Variants in KCNQ2 observed in about 807,000 individuals in gnomAD.
KCNQ2 encodes the protein potassium voltage-gated channel subfamily KQT member 2.
Under a neutral mutation model 84.8 loss-of-function variants are expected in KCNQ2, and 14 were observed. That is an observed-to-expected ratio of 0.17 (90% CI 0.11 to 0.26). The LOEUF is 0.26. KCNQ2 is among the 10% of genes least tolerant of loss of function. The probability of loss-of-function intolerance (pLI) is 1.00; values close to 1 mark genes in which losing one functional copy is unlikely to be tolerated. For missense variants in KCNQ2, 788 were observed against 1,254.0 expected, an observed-to-expected ratio of 0.63 and a Z score of 5.61; for synonymous variants, 599 against 554.1, an observed-to-expected ratio of 1.08 and a Z score of -1.14.
At chr20:63,445,004 C>A (rs1032057018) in intron 3 of KCNQ2, among the ~76,000 whole-genome samples, 170 bp from the exon 4 acceptor site, 1 of 152,226 alleles carries the variant, frequency 6.6e-6, no homozygotes, top group South Asian at 2.1e-4. Flanking sequence ...TATCGTCCAC[C>A]CTGCCTGTGG....
At chr20:63,461,373 T>C (rs900352120) in intron 1 of KCNQ2, among the ~76,000 whole-genome samples, 4 of 152,164 alleles carry the variant, frequency 2.6e-5, no homozygotes, top group African/African-American at 9.7e-5. Context: ...GTCGTGTACC[T>C]TGCCCCAGCA....
chr20:63,419,697 G>T (rs761182828), intron 11 of KCNQ2, 25 bp from the exon 12 acceptor site: 1 of 1,601,388 alleles, frequency 6.2e-7, no homozygotes, highest in Admixed American at 1.7e-5. Context: ...AGCACAGTTA[G>T]TCCTGGGCGC....
intron 4 of KCNQ2, among the ~76,000 whole-genome samples, chr20:63,442,867 C>G (rs1600771378): frequency 1.0e-5 from 1 of 96,132 alleles, no homozygotes; most frequent in Non-Finnish European, 2.2e-5. Flanking sequence ...CCACCATCAC[C>G]ATCACCATTA....
chr20:63,415,732 T>G (rs985709584), intron 12 of KCNQ2, among the ~76,000 whole-genome samples: 4 of 152,052 alleles, frequency 2.6e-5, no homozygotes, highest in Non-Finnish European at 5.9e-5. Context: ...CCAGTGACAC[T>G]CAGGGCAACG....
intron 12 of KCNQ2, among the ~76,000 whole-genome samples, chr20:63,416,459 C>T (rs942385945): frequency 1.3e-5 from 2 of 152,222 alleles, no homozygotes; most frequent in Non-Finnish European, 2.9e-5. Flanking sequence ...ATCAGAACCC[C>T]CTGGCTCCCT....
At chr20:63,444,537 A>T in intron 4 of KCNQ2, 122 bp downstream of exon 4, 1 of 749,412 alleles carries the variant, frequency 1.3e-6, no homozygotes, top group Non-Finnish European at 2.0e-6. Flanking sequence ...CAGAGCCACC[A>T]CTGACTCCAT....
rs182603357 is a variant in KCNQ2 at position 63,454,448 on chromosome 20, G to A, written c.297-7611C>T. The stretch of plus-strand genomic sequence containing the variant: ...CCTTGGAGGAGGGAGGAGGCGGCAC[G>A]GGGTGCGTCTGGGCCCGTCTGGGGG... On this transcript the variant is annotated intron_variant, in intron 1 of 16. Coordinates refer to ENST00000359125, the MANE Select transcript of KCNQ2 (RefSeq NM_172107.4). Among the ~76,000 whole-genome samples, 90 of 152,352 alleles carry A rather than the reference G, an allele frequency of 5.9e-4. 1 individual carries two copies. The South Asian group carries it at 0.012, about 20-fold the overall frequency.
intron 11 of KCNQ2, among the ~76,000 whole-genome samples, chr20:63,420,516 C>T (rs868663604): frequency 7.0e-6 from 1 of 143,206 alleles, no homozygotes; most frequent in African/African-American, 2.5e-5. Flanking sequence ...AAACTCGGTG[C>T]CCCAGGAACC....
At chr20:63,462,375 C>CCCAGGGAGCAGGGAGGAGGCGGCACA (rs2081979866) in intron 1 of KCNQ2, among the ~76,000 whole-genome samples, 1 of 151,018 alleles carries the variant, frequency 6.6e-6, no homozygotes, top group African/African-American at 2.5e-5. Context: ...GAGGCGGCAC[C>CCCAGGGAGCAGGGAGGAGGCGGCACA]TACCCCAGGC....
rs142444118 is a variant in KCNQ2, at chr20:63,405,252, C to G, written c.*1392G>C. On this transcript the variant is annotated 3_prime_UTR_variant, in exon 17 of 17. Coordinates refer to ENST00000359125, the MANE Select transcript of KCNQ2 (RefSeq NM_172107.4). ...GCCCTGCTCACTCCCAGGGAGGCCA[C>G]TCTCCAGGGAGCCCAGGCCCGCCTG... is the stretch of plus-strand genomic sequence containing the variant. The G allele has an allele frequency of 6.6e-6, 1 of 152,288 alleles. No individual in the cohort carries two copies. The highest frequency in any genetic ancestry group is 2.4e-5 in the African/African-American group (1 of 41,450). The allele number at this position is 152,288 out of a possible 1,614,324, so 9.4% of individuals were successfully genotyped here. A position where few individuals can be genotyped will look rare whatever the true frequency, so the allele number is the denominator to read the frequency against.
chr20:63,408,344 A>G lies in KCNQ2; in HGVS notation c.1887+69T>C. 6.3e-7 allele frequency: 1 copy of G among 1,585,380 alleles called. No homozygotes were observed. The highest frequency in any genetic ancestry group is 8.6e-7 in the Non-Finnish European group (1 of 1,168,816). ...GTGGCACCCAGCCCCTGAAGCCCAC[A>G]CTGCCACAGGTTGACGGCAGGCACC... On this transcript the variant is annotated intron_variant, in intron 16 of 16. Coordinates refer to ENST00000359125, the MANE Select transcript of KCNQ2 (RefSeq NM_172107.4). The surrounding 1 kb of genome is among the most constrained non-coding windows in gnomAD (Gnocchi z 5.0).
intron 1 of KCNQ2, among the ~76,000 whole-genome samples, chr20:63,469,434 T>G (rs1392698119): frequency 6.6e-6 from 1 of 152,130 alleles, no homozygotes; most frequent in Admixed American, 6.5e-5. Context: ...CCTCTCTAAC[T>G]CAGTGCTGGA....
In KCNQ2 at chr20:63,406,419, C is replaced by A; in HGVS notation, c.*225G>T. ...TTGCTCCTGCACGCTGCTCCTGGAG[C>A]CACAGGGCCCTGCCCAGCCCTCCAG... On this transcript the variant is annotated 3_prime_UTR_variant, in exon 17 of 17. Transcript: ENST00000359125. 2 of 601,392 alleles carry A rather than the reference C, an allele frequency of 3.3e-6. No individual in the cohort carries two copies. The highest frequency in any genetic ancestry group is 2.9e-5 in the East Asian group (1 of 34,562). 37.3% of individuals were successfully genotyped at this position (601,392 alleles called of 1,614,324 possible).
intron 1 of KCNQ2, among the ~76,000 whole-genome samples, chr20:63,465,912 G>A (rs1875582002): frequency 6.6e-6 from 1 of 152,232 alleles, no homozygotes; most frequent in South Asian, 2.1e-4. Context: ...GCGCGTGTCG[G>A]TGCTGAGGCG....
At chr20:63,430,471 G>C (rs531739263) in intron 9 of KCNQ2, among the ~76,000 whole-genome samples, 1 of 152,310 alleles carries the variant, frequency 6.6e-6, no homozygotes, top group South Asian at 2.1e-4. Context: ...TCTCCTCCAG[G>C]ACGGGTGACT....
intron 15 of KCNQ2, among the ~76,000 whole-genome samples, chr20:63,409,235 T>C (rs962228171): frequency 3.9e-5 from 6 of 152,162 alleles, no homozygotes; most frequent in Admixed American, 1.3e-4. Flanking sequence ...TGCATGTGTG[T>C]GCCCTCATGT....
At position 63,402,590 on chromosome 20, in the gene KCNQ2, G is replaced by A. The variant is rs919991324; in HGVS notation, c.*4054C>T. Reference sequence around the variant, plus strand: ...GGCAGCAGGTCTCTCTGGCAGCAGGGTCTGGAATCTAGAAACACTGAGACC... The same window carrying A: ...GGCAGCAGGTCTCTCTGGCAGCAGGATCTGGAATCTAGAAACACTGAGACC... On this transcript the variant is annotated 3_prime_UTR_variant, in exon 17 of 17. Coordinates refer to ENST00000359125, the MANE Select transcript of KCNQ2 (RefSeq NM_172107.4). The A allele has an allele frequency of 2.0e-5, 3 of 152,510 alleles. No homozygotes were observed. Among genetic ancestry groups the A allele is most frequent in the African/African-American group, 7.2e-5 (3 of 41,468 alleles). The allele number at this position is 152,510 out of a possible 1,614,324, so 9.4% of individuals were successfully genotyped here. A position where few individuals can be genotyped will look rare whatever the true frequency, so the allele number is the denominator to read the frequency against.
Position 63,413,652 on chromosome 20 carries a change from A to G in KCNQ2, c.1632-71T>C, listed in dbSNP as rs2080195510. 4.4e-6 allele frequency: 7 copies of G among 1,574,126 alleles called. No individual in the cohort carries two copies. In the South Asian group the frequency reaches 6.7e-5, roughly 15 times the overall value. On this transcript the variant is annotated intron_variant, in intron 14 of 16. Transcript: ENST00000359125. ...CGGCCACAGGCACCAGGACCTTCCT[A>G]GCACCTCTGAGACCTCGGCGCCTGG... is the stretch of plus-strand genomic sequence containing the variant.
intron 11 of KCNQ2, among the ~76,000 whole-genome samples, chr20:63,420,566 T>C (rs1009642370): frequency 1.3e-5 from 2 of 150,506 alleles, no homozygotes; most frequent in Non-Finnish European, 2.9e-5. Flanking sequence ...ACACAGGCTC[T>C]AGGAAGAAAG....
Sources: allele counts gnomAD v4.1 joint callset (sites outside exome capture counted in the v4.1 genomes callset), GRCh38; gene constraint gnomAD v4.1.1; non-coding constraint Gnocchi (gnomAD v3.1); transcripts MANE v1.5; gene names NCBI Gene and HGNC (gene_info 2026-07-23, HGNC 2026-07-21).